AGMO: variants seen among roughly 807,000 people sequenced by gnomAD.
The protein encoded by AGMO is alkylglycerol monooxygenase, also known as glyceryl-ether monooxygenase.
In AGMO, 75 loss-of-function variants were observed where a neutral mutation model predicts 60.2. The ratio of observed to expected loss-of-function variants is 1.25; its 90% CI spans 1.03 to 1.51. AGMO has a LOEUF of 1.51. Ranked by LOEUF, AGMO falls within the 40% of genes most tolerant of loss-of-function variation. The probability of loss-of-function intolerance (pLI) is 0.00; values close to 1 mark genes in which losing one functional copy is unlikely to be tolerated. For synonymous variants in AGMO, 261 were observed against 177.1 expected, an observed-to-expected ratio of 1.47 and a Z score of -3.76; for missense variants, 763 against 525.5, an observed-to-expected ratio of 1.45 and a Z score of -4.42.
At chr7:15,219,631 C>T (rs185012828) in intron 12 of AGMO, among the ~76,000 whole-genome samples, 8 of 152,092 alleles carry the variant, frequency 5.3e-5, no homozygotes, top group Non-Finnish European at 7.4e-5. Flanking sequence ...CTATGTGATT[C>T]GATTTACTCT....
chr7:15,353,174 T>A (rs1258192721), intron 12 of AGMO, among the ~76,000 whole-genome samples: 2 of 152,058 alleles, frequency 1.3e-5, no homozygotes, highest in Non-Finnish European at 1.5e-5. Flanking sequence ...TAAATGATGT[T>A]TACTTTAAGC....
chr7:15,447,116 CA>C (rs1243106548), intron 3 of AGMO, among the ~76,000 whole-genome samples: 1 of 152,206 alleles, frequency 6.6e-6, no homozygotes, highest in African/African-American at 2.4e-5. Context: ...AAGTTCCAGA[CA>C]TTTTTAGCAA....
At chr7:15,264,417 C>A (rs1036490016) in intron 12 of AGMO, among the ~76,000 whole-genome samples, 1 of 151,836 alleles carries the variant, frequency 6.6e-6, no homozygotes, top group Non-Finnish European at 1.5e-5. Context: ...GGAAAAAATG[C>A]ACCCTAGATT....
At chr7:15,357,510 G>C (rs898522062) in intron 12 of AGMO, among the ~76,000 whole-genome samples, 7 of 152,146 alleles carry the variant, frequency 4.6e-5, no homozygotes, top group African/African-American at 1.7e-4. Context: ...CAAATCAAAA[G>C]AGTTTATTTC....
chr7:15,310,854 T>C (rs1263200880), intron 12 of AGMO, among the ~76,000 whole-genome samples: 3 of 152,184 alleles, frequency 2.0e-5, no homozygotes, highest in Non-Finnish European at 2.9e-5. Flanking sequence ...AATCTGTTTC[T>C]TTGCTTTTTC....
chr7:15,365,762 G>C, intron 11 of AGMO, 143 bp from the exon 12 acceptor site: 1 of 613,272 alleles, frequency 1.6e-6, no homozygotes, highest in South Asian at 2.5e-5. Context: ...GAAGCAATTT[G>C]AAAACAGTGA....
At chr7:15,329,241 G>A (rs1235058408) in intron 12 of AGMO, among the ~76,000 whole-genome samples, 3 of 152,094 alleles carry the variant, frequency 2.0e-5, no homozygotes, top group Admixed American at 6.6e-5. Flanking sequence ...TAATTGTTTC[G>A]GTATACTAAA....
intron 12 of AGMO, among the ~76,000 whole-genome samples, chr7:15,338,913 G>C (rs1361786222): frequency 6.6e-6 from 1 of 152,194 alleles, no homozygotes; most frequent in Non-Finnish European, 1.5e-5. Flanking sequence ...AATGTGGACA[G>C]TAGAAGGTTG....
chr7:15,359,291 C>CAAAA lies in AGMO; in HGVS notation c.1263+6219_1263+6222dup, dbSNP rs398003765. Among the ~76,000 whole-genome samples, 1,563 of 115,040 alleles carry CAAAA rather than the reference C, an allele frequency of 0.014. 90 individuals are homozygous for CAAAA. In the East Asian group the frequency reaches 0.23, roughly 17 times the overall value. The allele number at this position is 115,040 out of a possible 152,430, so 75.5% of individuals were successfully genotyped here. ...GCAACAGAGCAAGACTCCGTCTCAA[C>CAAAA]AAAAAAAAAAAAAAAAGAAATTAGA... On this transcript the variant is annotated intron_variant, in intron 12 of 12. Coordinates refer to ENST00000342526, the MANE Select transcript of AGMO (RefSeq NM_001004320.2).
intron 3 of AGMO, among the ~76,000 whole-genome samples, chr7:15,482,996 T>A (rs905787182): frequency 6.6e-6 from 1 of 152,200 alleles, no homozygotes; most frequent in Non-Finnish European, 1.5e-5. Flanking sequence ...TATAAGTATC[T>A]ATCTTTAAAA....
chr7:15,490,665 C>T (rs1209583334), intron 3 of AGMO, among the ~76,000 whole-genome samples: 2 of 152,004 alleles, frequency 1.3e-5, no homozygotes, highest in Non-Finnish European at 2.9e-5. Flanking sequence ...GAACAATCTG[C>T]AAGGAACATT....
the AGMO span, among the ~76,000 whole-genome samples, chr7:15,159,155 C>A: frequency 6.6e-6 from 1 of 151,906 alleles, no homozygotes; most frequent in Non-Finnish European, 1.5e-5. Context: ...AAGTACAGGT[C>A]CCTCAACAAT....
At chr7:15,266,614 G>C (rs1181420958) in intron 12 of AGMO, among the ~76,000 whole-genome samples, 1 of 151,806 alleles carries the variant, frequency 6.6e-6, no homozygotes, top group East Asian at 1.9e-4. Context: ...CACAGTATCA[G>C]AAAAGTATCC....
intron 5 of AGMO, among the ~76,000 whole-genome samples, chr7:15,407,961 A>G (rs1408233678): frequency 1.3e-5 from 2 of 151,914 alleles, no homozygotes; most frequent in Admixed American, 6.6e-5. Flanking sequence ...CTTAACTACC[A>G]ATATGGAAAT....
chr7:15,356,892 G>A (rs1210603729), intron 12 of AGMO, among the ~76,000 whole-genome samples: 2 of 148,074 alleles, frequency 1.4e-5, no homozygotes, highest in South Asian at 2.1e-4. Context: ...CAGGTCACCT[G>A]AAGTCAGGTG....
chr7:15,140,617 T>C, the AGMO span, among the ~76,000 whole-genome samples: 1 of 152,166 alleles, frequency 6.6e-6, no homozygotes, highest in Non-Finnish European at 1.5e-5. Flanking sequence ...TTTCTTCAGA[T>C]AATATTTTCT....
intron 2 of AGMO, among the ~76,000 whole-genome samples, chr7:15,553,499 C>T (rs1281649240): frequency 2.0e-5 from 3 of 151,912 alleles, no homozygotes; most frequent in Non-Finnish European, 4.4e-5. Context: ...TATGAAGAGC[C>T]TACTAAGTGC....
intron 12 of AGMO, among the ~76,000 whole-genome samples, chr7:15,358,606 A>C (rs1287539355): frequency 6.6e-6 from 1 of 152,092 alleles, no homozygotes; most frequent in African/African-American, 2.4e-5. Context: ...AAAGACCTTA[A>C]ACTTCCACTC....
chr7:15,149,050 T>C, the AGMO span, among the ~76,000 whole-genome samples: 1 of 152,226 alleles, frequency 6.6e-6, no homozygotes, highest in Non-Finnish European at 1.5e-5. Context: ...GTGATTTTGA[T>C]TTGCATTTCC....
Sources: gnomAD v4.1 joint callset for allele counts (sites outside exome capture counted in the v4.1 genomes callset) on GRCh38, gnomAD v4.1.1 for gene constraint, MANE v1.5 for transcripts, NCBI Gene and HGNC (gene_info 2026-07-23, HGNC 2026-07-21) for gene names.